Variants in CDH23 observed in about 807,000 individuals in gnomAD.
The protein encoded by CDH23 is cadherin-23.
Under a neutral mutation model 317.1 loss-of-function variants are expected in CDH23, and 189 were observed. The ratio of observed to expected loss-of-function variants is 0.60; its 90% confidence interval spans 0.53 to 0.67. The LOEUF is 0.67. CDH23 is among the 30% of genes least tolerant of loss of function. CDH23 has a pLI of 0.00. For missense variants in CDH23, 4,401 were observed against 4,592.4 expected, an observed-to-expected ratio of 0.96 and a Z score of 1.20; for synonymous variants, 1,839 against 1,876.8, an observed-to-expected ratio of 0.98 and a Z score of 0.52.
At position 71,690,775 on chromosome 10, in the gene CDH23, C is replaced by T. The variant is rs72817938; in HGVS notation, c.2176+191C>T. On this transcript the variant is annotated intron_variant, in intron 20 of 69. Coordinates refer to ENST00000224721, the MANE Select transcript of CDH23 (RefSeq NM_022124.6). ...ACTGATCTTACCCAAAAAATCACAA[C>T]GTGAATTGACCCAGTGAAGGACGTC... is the stretch of plus-strand genomic sequence containing the variant. 0.055 allele frequency among the ~76,000 whole-genome samples: 8,391 copies of T among 152,300 alleles called. 302 individuals are homozygous for T. Among genetic ancestry groups the T allele is most frequent in the Non-Finnish European group, 0.084 (5,744 of 68,016 alleles).
In CDH23 at chr10:71,712,754, C is replaced by A; in HGVS notation, c.3310C>A (p.Gln1104Lys). The A allele has an allele frequency of 1.2e-6, 2 of 1,613,580 alleles. No homozygotes were observed. Among genetic ancestry groups the A allele is most frequent in the South Asian group, 2.2e-5 (2 of 91,008 alleles). ...GAATGACAACCGGCCCATCTTTCTG[C>A]AGAGCAGCTATGAGGCCAGCGTCCC... Reference protein sequence around the residue: ...DVNDNRPIFLQSSYEASVPED... With the variant: ...DVNDNRPIFLKSSYEASVPED... Residue 1104 changes from glutamine (Q) to lysine (K), a missense_variant, in exon 28 of 70, where the codon CAG becomes AAG. Coordinates refer to ENST00000224721, the MANE Select transcript of CDH23 (RefSeq NM_022124.6).
intron 9 of CDH23, among the ~76,000 whole-genome samples, chr10:71,612,415 G>A (rs1860958639): frequency 6.6e-6 from 1 of 152,074 alleles, no homozygotes; most frequent in South Asian, 2.1e-4. Flanking sequence ...GGGCATAGGA[G>A]CTGAGTGAAG....
intron 1 of CDH23, among the ~76,000 whole-genome samples, chr10:71,402,706 AGTGTGT>A (rs61127679): frequency 0.074 from 11,002 of 148,784 alleles, 541 homozygotes; most frequent in African/African-American, 0.13. Context: ...ATTCTTCCTG[AGTGTGT>A]GTGTGTGTGT....
In CDH23 at chr10:71,509,805, G is replaced by A. The variant is rs1853851589; in HGVS notation, c.146-277G>A. 8 of 437,330 alleles carry A rather than the reference G, an allele frequency of 1.8e-5. No homozygotes were observed. The South Asian group carries it at 2.1e-4, about 12-fold the overall frequency. The allele number at this position is 437,330 out of a possible 1,614,324, so 27.1% of individuals were successfully genotyped here. A position where few individuals can be genotyped will look rare whatever the true frequency, so the allele number is the denominator to read the frequency against. ...TCAAATTAAAATCAGAGAAAGGGGG[G>A]CAGGCAGAAGTCATAAGTGTCTTTT... On this transcript the variant is annotated intron_variant, in intron 3 of 69. Coordinates refer to ENST00000224721, the MANE Select transcript of CDH23 (RefSeq NM_022124.6).
At chr10:71,654,187 C>A (rs1014788927) in intron 14 of CDH23, among the ~76,000 whole-genome samples, 1 of 152,160 alleles carries the variant, frequency 6.6e-6, no homozygotes, top group African/African-American at 2.4e-5. Flanking sequence ...GGTCTGGGGA[C>A]ATGGACTCGG....
At chr10:71,571,071 GA>G (rs1857768330) in intron 8 of CDH23, among the ~76,000 whole-genome samples, 153 bp downstream of exon 8, 3 of 152,282 alleles carry the variant, frequency 2.0e-5, no homozygotes, top group African/African-American at 7.2e-5. Flanking sequence ...CTGGCACAGC[GA>G]AACCCCAGCC....
intron 6 of CDH23, among the ~76,000 whole-genome samples, chr10:71,537,644 C>T (rs1855772082): frequency 6.6e-6 from 1 of 152,134 alleles, no homozygotes. Flanking sequence ...TTTGGTTTCT[C>T]CTCCTGCCTG....
Position 71,439,897 on chromosome 10 carries a change from G to A in CDH23, c.66G>A (p.Trp22Ter). The A allele has an allele frequency of 6.4e-7, 1 of 1,571,338 alleles. No homozygotes were observed. Among genetic ancestry groups the A allele is most frequent in the Non-Finnish European group, 8.6e-7 (1 of 1,157,164 alleles). Residue 22 changes from tryptophan (W) to a stop codon, truncating the protein, a stop_gained and splice_region_variant, in exon 2 of 70, where the codon TGG (tryptophan) becomes TGA (stop). Coordinates refer to ENST00000224721, the MANE Select transcript of CDH23 (RefSeq NM_022124.6). LOFTEE classifies it high-confidence loss of function. Reference protein sequence around the residue: ...AWLLVLISGCWGQVNRLPFFT... With the variant: ...AWLLVLISGC ...TTTTGGTGCTGATCTCTGGATGCTG[G>A]GGTAAGTCCAGTCCTCCCCGTGTCT...
intron 1 of CDH23, among the ~76,000 whole-genome samples, chr10:71,403,309 CTCTT>C (rs1297207970): frequency 1.4e-5 from 2 of 147,014 alleles, no homozygotes; most frequent in African/African-American, 5.3e-5. Flanking sequence ...CTTTCTCTTT[CTCTT>C]TCTTCCTTCC....
At chr10:71,437,615 A>C (rs903930838) in intron 1 of CDH23, among the ~76,000 whole-genome samples, 1 of 152,238 alleles carries the variant, frequency 6.6e-6, no homozygotes, top group Non-Finnish European at 1.5e-5. Context: ...TTGGGTGCAG[A>C]GAAAGGCCTG....
intron 3 of CDH23, among the ~76,000 whole-genome samples, chr10:71,471,329 T>C (rs946922572): frequency 2.0e-5 from 3 of 152,208 alleles, no homozygotes; most frequent in African/African-American, 7.2e-5. Context: ...GCCTGGGACC[T>C]TTCCCTGGAT....
At chr10:71,415,511 G>A (rs1278915452) in intron 1 of CDH23, among the ~76,000 whole-genome samples, 2 of 152,044 alleles carry the variant, frequency 1.3e-5, no homozygotes, top group East Asian at 1.9e-4. Flanking sequence ...TGTGTTCTAT[G>A]TCATTAATTT....
rs547217369 is a variant in CDH23, at chr10:71,793,103, A to T, written c.6254-79A>T. ...TGTCATGAGAAGGGGACTTGAGAAGATCACCAACAAATGTGTCTTGGTAGA... is the reference window on the plus strand; with the variant it reads ...TGTCATGAGAAGGGGACTTGAGAAGTTCACCAACAAATGTGTCTTGGTAGA... On this transcript the variant is annotated intron_variant, in intron 47 of 69. Transcript: ENST00000224721. 1.1e-4 allele frequency: 121 copies of T among 1,123,518 alleles called. No homozygotes were observed. In the African/African-American group the frequency reaches 1.8e-3, roughly 17 times the overall value. 69.6% of individuals were successfully genotyped at this position (1,123,518 alleles called of 1,614,324 possible).
intron 3 of CDH23, among the ~76,000 whole-genome samples, chr10:71,455,031 G>A: frequency 6.6e-6 from 1 of 151,860 alleles, no homozygotes. Flanking sequence ...GTGTGAGATA[G>A]GAGTCTTGCT....
chr10:71,546,591 G>A (rs1316306116), intron 6 of CDH23, among the ~76,000 whole-genome samples: 3 of 152,204 alleles, frequency 2.0e-5, no homozygotes, highest in Admixed American at 6.5e-5. Flanking sequence ...GTTGGCCTGC[G>A]TGTCCACTGC....
chr10:71,481,308 G>A (rs964108053), intron 3 of CDH23, among the ~76,000 whole-genome samples: 3 of 152,220 alleles, frequency 2.0e-5, no homozygotes, highest in East Asian at 1.9e-4. Context: ...CAGGATGAGC[G>A]AAGGGGTGAA....
intron 6 of CDH23, among the ~76,000 whole-genome samples, chr10:71,566,157 C>T (rs1178169064): frequency 6.6e-6 from 1 of 152,156 alleles, no homozygotes; most frequent in African/African-American, 2.4e-5. Flanking sequence ...TGCCTCCTGT[C>T]CCCAGTGGAC....
At chr10:71,463,585 T>G (rs1005236314) in intron 3 of CDH23, among the ~76,000 whole-genome samples, 1 of 151,972 alleles carries the variant, frequency 6.6e-6, no homozygotes, top group Non-Finnish European at 1.5e-5. Flanking sequence ...GAAGGGAGGG[T>G]GGGGGAAGTT....
chr10:71,567,429 A>T (rs1312836678), intron 7 of CDH23, among the ~76,000 whole-genome samples: 3 of 152,254 alleles, frequency 2.0e-5, no homozygotes, highest in Non-Finnish European at 2.9e-5. Context: ...GAGTGGTGAC[A>T]TTCCACATCA....
Sources: allele counts gnomAD v4.1 joint callset (sites outside exome capture counted in the v4.1 genomes callset), GRCh38; gene constraint gnomAD v4.1.1; transcripts MANE v1.5; gene names NCBI Gene and HGNC (gene_info 2026-07-23, HGNC 2026-07-21).